The following APBB1IP variants were observed in gnomAD, a reference collection of about 807,000 sequenced individuals.
The protein encoded by APBB1IP is amyloid beta A4 precursor protein-binding family B member 1-interacting protein.
A neutral mutation model predicts 64.9 loss-of-function variants in APBB1IP; 27 were observed. That is an observed-to-expected ratio of 0.42 (90% CI 0.31 to 0.57). The LOEUF (loss-of-function observed/expected upper bound fraction) is 0.57, where lower values mean the gene tolerates loss of function less well. APBB1IP is among the 20% of genes least tolerant of loss of function. The pLI, the probability that APBB1IP is intolerant of heterozygous loss-of-function variation, is 0.20. For missense variants in APBB1IP, 812 were observed against 845.5 expected (o/e 0.96, Z 0.49); for synonymous variants, 392 against 331.0 (o/e 1.18, Z -2.00).
In APBB1IP at chr10:26,529,206, A is replaced by G. The variant is rs567927202; in HGVS notation, c.814-4233A>G. 5.9e-5 allele frequency among the ~76,000 whole-genome samples: 9 copies of G among 152,394 alleles called. No individual in the cohort carries two copies. In the East Asian group the frequency reaches 1.3e-3, roughly 23 times the overall value. On this transcript the variant is annotated intron_variant, in intron 8 of 14. Transcript: ENST00000376236. ...TTTACCCAGTTTCCATTTGCAGGATATAATGACTAAACGTTGAGTTCTGCT... is the reference window on the plus strand; with the variant it reads ...TTTACCCAGTTTCCATTTGCAGGATGTAATGACTAAACGTTGAGTTCTGCT...
intron 2 of APBB1IP, among the ~76,000 whole-genome samples, chr10:26,477,351 T>C (rs1423760829): frequency 6.6e-6 from 1 of 152,212 alleles, no homozygotes; most frequent in Admixed American, 6.5e-5. Context: ...AAGTGTTAAG[T>C]AATAGTTTTC....
chr10:26,461,314 A>T (rs1276296443), intron 2 of APBB1IP, among the ~76,000 whole-genome samples: 2 of 152,154 alleles, frequency 1.3e-5, no homozygotes, highest in East Asian at 3.9e-4. Flanking sequence ...GAGGATAGGG[A>T]TCTGACTTTA....
chr10:26,446,401 A>G (rs1835398725), intron 2 of APBB1IP, among the ~76,000 whole-genome samples: 1 of 152,196 alleles, frequency 6.6e-6, no homozygotes, highest in Admixed American at 6.5e-5. Context: ...CTGTGGCATT[A>G]TATTTCCCTT....
At chr10:26,546,471 C>T (rs1021308890) in intron 11 of APBB1IP, among the ~76,000 whole-genome samples, 2 of 152,120 alleles carry the variant, frequency 1.3e-5, no homozygotes, top group African/African-American at 4.8e-5. Context: ...TTATGACACA[C>T]AATGTGATGT....
chr10:26,497,062 G>T (rs12781142), intron 4 of APBB1IP, among the ~76,000 whole-genome samples: 21,137 of 152,002 alleles, frequency 0.14, 1,776 homozygotes, highest in East Asian at 0.25. Flanking sequence ...AAGCGTGGTG[G>T]CATGTGCCTG....
intron 13 of APBB1IP, among the ~76,000 whole-genome samples, chr10:26,561,634 C>G (rs787017): frequency 0.13 from 20,142 of 152,086 alleles, 1,533 homozygotes; most frequent in East Asian, 0.35. Context: ...AGATTATGCC[C>G]TGGTGTTTTG....
At chr10:26,529,311 T>C (rs1836518832) in intron 8 of APBB1IP, among the ~76,000 whole-genome samples, 1 of 152,238 alleles carries the variant, frequency 6.6e-6, no homozygotes, top group Non-Finnish European at 1.5e-5. Flanking sequence ...CAATCAGTCT[T>C]ATTATTCTAA....
chr10:26,565,303 C>T (rs1381529512), intron 14 of APBB1IP, among the ~76,000 whole-genome samples: 1 of 152,310 alleles, frequency 6.6e-6, no homozygotes, highest in Middle Eastern at 3.4e-3. Flanking sequence ...GCTTCACAAC[C>T]AGCTCAACTC....
chr10:26,503,619 A>G (rs1836134396), intron 6 of APBB1IP, among the ~76,000 whole-genome samples: 1 of 152,196 alleles, frequency 6.6e-6, no homozygotes, highest in South Asian at 2.1e-4. Flanking sequence ...TGGGAGACAG[A>G]GTGAGATTCC....
intron 2 of APBB1IP, among the ~76,000 whole-genome samples, chr10:26,440,148 TC>T (rs1210402181): frequency 2.6e-5 from 4 of 152,236 alleles, no homozygotes; most frequent in Non-Finnish European, 5.9e-5. Flanking sequence ...TTGGGTTTTT[TC>T]TCAGCACTTG....
intron 12 of APBB1IP, 149 bp downstream of exon 12, chr10:26,560,352 A>T: frequency 1.4e-6 from 1 of 694,418 alleles, no homozygotes; most frequent in Non-Finnish European, 2.5e-6. Context: ...TGGGTTTTCT[A>T]AATGGGAGGA....
chr10:26,470,959 T>A (rs143251443), intron 2 of APBB1IP, among the ~76,000 whole-genome samples: 25 of 152,306 alleles, frequency 1.6e-4, no homozygotes, highest in African/African-American at 4.8e-4. Flanking sequence ...GGCTTCATGA[T>A]AGTAAGAGCA....
At chr10:26,516,745 T>C (rs1426501666) in intron 8 of APBB1IP, among the ~76,000 whole-genome samples, 1 of 152,006 alleles carries the variant, frequency 6.6e-6, no homozygotes, top group African/African-American at 2.4e-5. Flanking sequence ...AACCTTTTAT[T>C]TGTAGCTGTC....
intron 11 of APBB1IP, among the ~76,000 whole-genome samples, chr10:26,551,858 A>C (rs1340209682): frequency 6.6e-6 from 1 of 152,194 alleles, no homozygotes; most frequent in Non-Finnish European, 1.5e-5. Flanking sequence ...TATTTGACAC[A>C]TTGTAAATGC....
chr10:26,501,567 T>C (rs1836100708), intron 5 of APBB1IP: 1 of 189,598 alleles, frequency 5.3e-6, no homozygotes, highest in South Asian at 1.5e-4. Context: ...TACATCCAAG[T>C]ATCACTTGTA....
intron 2 of APBB1IP, among the ~76,000 whole-genome samples, chr10:26,473,596 G>T (rs946157707): frequency 2.6e-5 from 4 of 152,222 alleles, no homozygotes; most frequent in Non-Finnish European, 4.4e-5. Flanking sequence ...CACTCAGTTT[G>T]CGCATAAATG....
chr10:26,471,667 G>A (rs1835716960), intron 2 of APBB1IP, among the ~76,000 whole-genome samples: 2 of 151,874 alleles, frequency 1.3e-5, no homozygotes, highest in Admixed American at 1.3e-4. Context: ...GGCACCTTGG[G>A]ACCTGCACTG....
chr10:26,497,595 C>T (rs1467365883), intron 4 of APBB1IP, among the ~76,000 whole-genome samples: 1 of 151,842 alleles, frequency 6.6e-6, no homozygotes, highest in Non-Finnish European at 1.5e-5. Flanking sequence ...TTAGTGAGAA[C>T]TCCCTGCAAC....
intron 11 of APBB1IP, among the ~76,000 whole-genome samples, chr10:26,553,272 A>G (rs981963881): frequency 6.6e-5 from 10 of 152,114 alleles, no homozygotes; most frequent in Admixed American, 3.3e-4. Flanking sequence ...CACCTGCCTC[A>G]GCCTCCCAAA....
Sources: gnomAD v4.1 joint callset for allele counts (sites outside exome capture counted in the v4.1 genomes callset) on GRCh38, gnomAD v4.1.1 for gene constraint, MANE v1.5 for transcripts, NCBI Gene and HGNC (gene_info 2026-07-23, HGNC 2026-07-21) for gene names.